PDE1A: variants seen among roughly 807,000 people sequenced by gnomAD.
PDE1A encodes the protein phosphodiesterase 1A.
In PDE1A, 35 loss-of-function variants were observed where a neutral mutation model predicts 61.7. That is an observed-to-expected ratio of 0.57 (90% confidence interval 0.43 to 0.75). The LOEUF (loss-of-function observed/expected upper bound fraction) is 0.75. Ranked by LOEUF, PDE1A falls within the 30% of genes least tolerant of loss-of-function variation. The pLI, the probability that PDE1A is intolerant of heterozygous loss-of-function variation, is 0.00. For synonymous variants in PDE1A, 232 were observed against 213.2 expected (o/e 1.09, Z -0.77); for missense variants, 597 against 630.6 (o/e 0.95, Z 0.57).
At chr2:182,308,945 C>A (rs753969993) in intron 1 of PDE1A, among the ~76,000 whole-genome samples, 2 of 151,302 alleles carry the variant, frequency 1.3e-5, no homozygotes, top group South Asian at 4.2e-4. Context: ...CTTATCTTAC[C>A]TATGTCCTTA....
chr2:182,646,428 A>G, the PDE1A span, among the ~76,000 whole-genome samples: 22 of 148,856 alleles, frequency 1.5e-4, 1 homozygote, highest in Non-Finnish European at 2.7e-4. Context: ...GGTGGCTCAC[A>G]CCTGTAATCC....
At chr2:182,447,290 C>A (rs1559471939) in intron 2 of PDE1A, among the ~76,000 whole-genome samples, 2 of 151,928 alleles carry the variant, frequency 1.3e-5, no homozygotes, top group Non-Finnish European at 2.9e-5. Context: ...CATTTCCAAG[C>A]AGATGAAGCT....
chr2:182,526,118 T>G (rs1690770243), upstream of PDE1A, among the ~76,000 whole-genome samples: 8 of 152,238 alleles, frequency 5.3e-5, no homozygotes, highest in South Asian at 1.7e-3. Flanking sequence ...AAAATACTGT[T>G]TTATTGATAA....
At position 182,206,066 on chromosome 2, in the gene PDE1A, C is replaced by A; in HGVS notation, c.777-1G>T. The A allele has an allele frequency of 6.3e-7, 1 of 1,599,942 alleles. No individual in the cohort carries two copies. Among genetic ancestry groups the A allele is most frequent in the South Asian group, 1.1e-5 (1 of 88,268 alleles). On this transcript the variant is annotated splice_acceptor_variant, in intron 7 of 13. Coordinates refer to ENST00000351439, the Ensembl canonical transcript of PDE1A. LOFTEE classifies it high-confidence loss of function. ...ATTATACAAAATGGCAACATCTGAC[C>A]TAAGAATTAAAAACAAAATGCCCAA...
At chr2:182,203,440 A>C (rs546345359) in intron 8 of PDE1A, among the ~76,000 whole-genome samples, 1 of 152,320 alleles carries the variant, frequency 6.6e-6, no homozygotes, top group Admixed American at 6.5e-5. Context: ...ACTTACTTTT[A>C]TTCAAGTAGT....
intron 2 of PDE1A, among the ~76,000 whole-genome samples, chr2:182,260,372 ATC>A (rs1429266770): frequency 6.6e-6 from 1 of 152,148 alleles, no homozygotes; most frequent in East Asian, 1.9e-4. Context: ...CTTTTACATA[ATC>A]TCTGTTTTAC....
intron 2 of PDE1A, among the ~76,000 whole-genome samples, chr2:182,519,022 A>G (rs1327609546): frequency 6.6e-6 from 1 of 152,152 alleles, no homozygotes; most frequent in East Asian, 1.9e-4. Context: ...AAAGGCATTT[A>G]TCTTTCAAAT....
At chr2:182,516,505 T>C (rs950569976) in intron 2 of PDE1A, among the ~76,000 whole-genome samples, 1 of 151,656 alleles carries the variant, frequency 6.6e-6, no homozygotes, top group African/African-American at 2.4e-5. Context: ...ATAAAAAAAT[T>C]AGCCAGGTGT....
chr2:182,272,291 C>T (rs1007035887), intron 1 of PDE1A, among the ~76,000 whole-genome samples: 8 of 152,168 alleles, frequency 5.3e-5, no homozygotes, highest in African/African-American at 1.9e-4. Flanking sequence ...GGGCCTTGCA[C>T]TTGGGAGGGC....
the PDE1A span, among the ~76,000 whole-genome samples, chr2:182,534,587 T>C: frequency 1.3e-5 from 2 of 151,748 alleles, no homozygotes; most frequent in African/African-American, 2.4e-5. Flanking sequence ...TTTGTACCAC[T>C]TTAAAAAAAA....
intron 1 of PDE1A, among the ~76,000 whole-genome samples, chr2:182,365,211 G>A (rs1353570408): frequency 6.6e-6 from 1 of 152,006 alleles, no homozygotes; most frequent in East Asian, 1.9e-4. Context: ...ATTACACAGG[G>A]ACAGCAGGTG....
At chr2:182,523,006 GA>G (rs1196161971), upstream of PDE1A, 3 of 152,126 alleles carry the variant, frequency 2.0e-5, no homozygotes, top group African/African-American at 7.2e-5. Flanking sequence ...ATAACAAAGA[GA>G]AAATAACATC....
At chr2:182,533,235 C>G in the PDE1A span, among the ~76,000 whole-genome samples, 1 of 151,926 alleles carries the variant, frequency 6.6e-6, no homozygotes, top group East Asian at 1.9e-4. Flanking sequence ...CACCTGAACC[C>G]GTGGGGTGGA....
the PDE1A span, among the ~76,000 whole-genome samples, chr2:182,689,636 A>C: frequency 6.6e-6 from 1 of 152,232 alleles, no homozygotes; most frequent in African/African-American, 2.4e-5. Flanking sequence ...AGCAAGAGCA[A>C]ACACATTCAA....
At chr2:182,238,969 A>G (rs948209338) in intron 3 of PDE1A, among the ~76,000 whole-genome samples, 1 of 152,184 alleles carries the variant, frequency 6.6e-6, no homozygotes, top group African/African-American at 2.4e-5. Flanking sequence ...CAAATCAAAC[A>G]TACTCTCATG....
intron 1 of PDE1A, among the ~76,000 whole-genome samples, chr2:182,267,528 T>C (rs774565738): frequency 7.2e-5 from 11 of 152,026 alleles, no homozygotes; most frequent in Non-Finnish European, 1.6e-4. Context: ...TAGGACTCGT[T>C]TTTTCTCCTT....
In PDE1A at chr2:182,336,216, C is replaced by T. The variant is rs181411527; in HGVS notation, c.54-71802G>A. ...ATTGTGGAAGACAGTATGGCGATTC[C>T]TCAAGGACCTAGAACCAGAAATACC... On this transcript the variant is annotated intron_variant, in intron 1 of 13. Transcript: ENST00000351439. Among the ~76,000 whole-genome samples the T allele has an allele frequency of 1.8e-3, 269 of 152,248 alleles. 1 individual carries two copies. Among genetic ancestry groups the T allele is most frequent in the East Asian group, 6.0e-3 (31 of 5,172 alleles).
chr2:182,582,846 A>AT, the PDE1A span, among the ~76,000 whole-genome samples: 6 of 152,266 alleles, frequency 3.9e-5, no homozygotes. Flanking sequence ...AAGTCAGATC[A>AT]TTTTTGTTTC....
chr2:182,250,566 A>C (rs2568681), intron 2 of PDE1A, among the ~76,000 whole-genome samples: 3 of 151,072 alleles, frequency 2.0e-5, no homozygotes, highest in African/African-American at 7.4e-5. Flanking sequence ...GCTTTTTTTT[A>C]AAAAAAAGTT....
Sources: gnomAD v4.1 joint callset for allele counts (sites outside exome capture counted in the v4.1 genomes callset) on GRCh38, gnomAD v4.1.1 for gene constraint, MANE v1.5 for transcripts, NCBI Gene and HGNC (gene_info 2026-07-23, HGNC 2026-07-21) for gene names.